Variants in CCDC33 observed in about 807,000 individuals in gnomAD.
The protein encoded by CCDC33 is coiled-coil domain-containing protein 33.
A neutral mutation model predicts 91.9 loss-of-function variants in CCDC33; 94 were observed. That is an observed-to-expected ratio of 1.02 (90% confidence interval 0.87 to 1.21). The LOEUF is 1.21. CCDC33 is among the 50% of genes most tolerant of loss of function. The pLI is 0.00. For synonymous variants in CCDC33, 396 were observed against 374.5 expected, an observed-to-expected ratio of 1.06 and a Z score of -0.66; for missense variants, 940 against 935.5, an observed-to-expected ratio of 1.00 and a Z score of -0.06.
At chr15:74,285,946 C>A (rs1341214751) in intron 10 of CCDC33, among the ~76,000 whole-genome samples, 2 of 152,050 alleles carry the variant, frequency 1.3e-5, no homozygotes, top group African/African-American at 2.4e-5. Context: ...GTCCATTAGG[C>A]TCTAAAAATC....
rs781042993 is a variant in CCDC33 at position 74,279,972 on chromosome 15, C to A, written c.769C>A (p.Pro257Thr). Reference sequence around the variant, plus strand: ...TACCCTCTCCCTCCAGCTGTCCAAGCCTGGGGGACCCCCAGAGCAGCCCCT... The same window carrying A: ...TACCCTCTCCCTCCAGCTGTCCAAGACTGGGGGACCCCCAGAGCAGCCCCT... ...SQNGCPQLSK[P>T]GGPPEQPLWN... The change falls in exon 8 of 19, where the codon CCT (proline) becomes ACT (threonine). Residue 257 changes from proline (P) to threonine (T), a missense_variant. Pro to Thr is a conservative substitution (Grantham distance 38, BLOSUM62 -1). Coordinates refer to ENST00000398814, the MANE Select transcript of CCDC33 (RefSeq NM_025055.5). 1.2e-6 allele frequency: 2 copies of A among 1,614,020 alleles called. No individual in the cohort carries two copies. Among genetic ancestry groups the A allele is most frequent in the Middle Eastern group, 1.6e-4 (1 of 6,062 alleles).
chr15:74,234,261 G>A (rs1375170237), upstream of CCDC33, among the ~76,000 whole-genome samples: 6 of 152,216 alleles, frequency 3.9e-5, no homozygotes, highest in Non-Finnish European at 8.8e-5. Flanking sequence ...CCTGTGGGTA[G>A]GGGGTGGGCA....
upstream of CCDC33, among the ~76,000 whole-genome samples, chr15:74,234,596 G>A (rs1335981553): frequency 6.6e-6 from 1 of 152,210 alleles, no homozygotes; most frequent in Non-Finnish European, 1.5e-5. Flanking sequence ...CCCTACTGGT[G>A]GCTGCTGAGT....
rs79054540 is a variant in CCDC33 at position 74,287,180 on chromosome 15, G to A, written c.1095+5331G>A. On this transcript the variant is annotated intron_variant, in intron 10 of 18. Coordinates refer to ENST00000398814, the MANE Select transcript of CCDC33 (RefSeq NM_025055.5). ...CCTCCATTTCTTCCCCAAGCACAGC[G>A]GCCTGAATGGGCCAGTGCCCAGGGC... 2.2e-3 allele frequency among the ~76,000 whole-genome samples: 335 copies of A among 152,278 alleles called. 3 individuals carry two copies. Among genetic ancestry groups the A allele is most frequent in the African/African-American group, 7.7e-3 (322 of 41,552 alleles).
At chr15:74,206,179 G>A (rs996249753) in intron 1 of CCDC33, among the ~76,000 whole-genome samples, 3 of 152,206 alleles carry the variant, frequency 2.0e-5, no homozygotes, top group African/African-American at 4.8e-5. Flanking sequence ...GAGTGGTTGT[G>A]ACTTCCTAGG....
At chr15:74,264,147 T>C (rs1404735530) in intron 3 of CCDC33, among the ~76,000 whole-genome samples, 2 of 150,704 alleles carry the variant, frequency 1.3e-5, no homozygotes, top group African/African-American at 4.9e-5. Context: ...TCATTGCAGA[T>C]TGAAGTAGCT....
At chr15:74,208,112 G>C (rs1040582868) in intron 1 of CCDC33, 197 of 1,118,272 alleles carry the variant, frequency 1.8e-4, no homozygotes, top group Middle Eastern at 7.6e-4. Context: ...GGAGGAGGAG[G>C]GTAGCCGGCT....
At chr15:74,272,686 A>C in intron 6 of CCDC33, 85 bp from the exon 7 acceptor site, 1 of 1,539,862 alleles carries the variant, frequency 6.5e-7, no homozygotes, top group Non-Finnish European at 8.7e-7. Flanking sequence ...CTCTTGCATC[A>C]ACCCAGAGTC....
chr15:74,331,148 A>G, intron 14 of CCDC33, 36 bp downstream of exon 14: 1 of 1,613,796 alleles, frequency 6.2e-7, no homozygotes, highest in Non-Finnish European at 8.5e-7. Flanking sequence ...AGGCCAACTG[A>G]TGATGGCAGA....
intron 2 of CCDC33, among the ~76,000 whole-genome samples, chr15:74,257,006 C>G (rs1264264199): frequency 6.6e-6 from 1 of 152,182 alleles, no homozygotes; most frequent in Non-Finnish European, 1.5e-5. Flanking sequence ...CTTTCTTTTT[C>G]CCAGAGCAGC....
chr15:74,312,300 A>C (rs1299515738), intron 11 of CCDC33, among the ~76,000 whole-genome samples: 1 of 152,148 alleles, frequency 6.6e-6, no homozygotes, highest in Non-Finnish European at 1.5e-5. Flanking sequence ...CATCTTCCTG[A>C]AGGGGTTCAG....
chr15:74,209,430 C>G, exon 2 of CCDC33: 1 of 1,535,570 alleles, frequency 6.5e-7, no homozygotes, highest in Non-Finnish European at 8.7e-7. Context: ...ACCACCAGCT[C>G]GGCTCTTAAT....
downstream of CCDC33, chr15:74,336,151 T>C: frequency 6.5e-7 from 1 of 1,528,564 alleles, no homozygotes; most frequent in African/African-American, 1.4e-5. Flanking sequence ...AGCATTTTCC[T>C]CTTTCCTGGA....
chr15:74,260,234 G>A (rs735980), intron 2 of CCDC33, among the ~76,000 whole-genome samples: 38,183 of 152,016 alleles, frequency 0.25, 5,253 homozygotes, highest in Admixed American at 0.36. Context: ...GGACCCGAGG[G>A]TGGAGGGAGC....
chr15:74,276,439 A>G (rs916334933), intron 7 of CCDC33, among the ~76,000 whole-genome samples: 2 of 152,092 alleles, frequency 1.3e-5, no homozygotes, highest in African/African-American at 4.8e-5. Context: ...CCGGGAAGCC[A>G]TGTGTGCCCA....
At chr15:74,240,281 T>G (rs1220085031) in intron 1 of CCDC33, among the ~76,000 whole-genome samples, 2 of 152,232 alleles carry the variant, frequency 1.3e-5, no homozygotes, top group Non-Finnish European at 2.9e-5. Flanking sequence ...GTGTGACTCC[T>G]GGCCAGGTCT....
At chr15:74,312,509 G>C (rs566996387) in intron 11 of CCDC33, among the ~76,000 whole-genome samples, 12 of 152,282 alleles carry the variant, frequency 7.9e-5, no homozygotes, top group Non-Finnish European at 1.6e-4. Context: ...GCTCGTTACA[G>C]CTTCTCCCTG....
intron 4 of CCDC33, among the ~76,000 whole-genome samples, chr15:74,267,461 C>A (rs1419235351): frequency 6.6e-6 from 1 of 152,164 alleles, no homozygotes; most frequent in African/African-American, 2.4e-5. Flanking sequence ...CAAGGTTGGG[C>A]CTCCCAGGCC....
rs74023465 is a variant in CCDC33, at chr15:74,281,713, T to C, written c.1024-65T>C. 11,168 of 1,367,084 alleles carry C rather than the reference T, an allele frequency of 8.2e-3. 705 individuals carry two copies. The African/African-American group carries it at 0.14, about 17-fold the overall frequency. 84.7% of individuals were successfully genotyped at this position (1,367,084 alleles called of 1,614,324 possible). Reference sequence around the variant, plus strand: ...CACCTTCCAGAGAAATCTAGAACAGTAGGTGGGGCAGAGGCGGAAGCTGCC... The same window carrying C: ...CACCTTCCAGAGAAATCTAGAACAGCAGGTGGGGCAGAGGCGGAAGCTGCC... On this transcript the variant is annotated intron_variant, in intron 9 of 18. Coordinates refer to ENST00000398814, the MANE Select transcript of CCDC33 (RefSeq NM_025055.5).
Sources: gnomAD v4.1 joint callset for allele counts (sites outside exome capture counted in the v4.1 genomes callset) on GRCh38, gnomAD v4.1.1 for gene constraint, MANE v1.5 for transcripts, NCBI Gene and HGNC (gene_info 2026-07-23, HGNC 2026-07-21) for gene names.